The following INPP4B variants were observed in gnomAD, a reference collection of about 807,000 sequenced individuals.
INPP4B encodes inositol polyphosphate 4-phosphatase type II.
In INPP4B, 55 loss-of-function variants were observed where a neutral mutation model predicts 122.5. The observed-to-expected ratio is 0.45, with a 90% CI of 0.36 to 0.56. The LOEUF is 0.56. Among genes scored for constraint, INPP4B ranks in the 20% least tolerant of loss-of-function variants. The pLI is 0.00. For missense variants in INPP4B, 1,000 were observed against 1,097.7 expected, an observed-to-expected ratio of 0.91 and a Z score of 1.26; for synonymous variants, 403 against 388.7, an observed-to-expected ratio of 1.04 and a Z score of -0.43.
chr4:142,688,402 G>A (rs1161974735), intron 2 of INPP4B, among the ~76,000 whole-genome samples: 1 of 152,040 alleles, frequency 6.6e-6, no homozygotes, highest in African/African-American at 2.4e-5. Context: ...TTATTTGCTT[G>A]TTCTGAAATT....
At chr4:142,395,851 A>G (rs1350341687) in intron 7 of INPP4B, among the ~76,000 whole-genome samples, 3 of 152,172 alleles carry the variant, frequency 2.0e-5, no homozygotes, top group East Asian at 1.9e-4. Context: ...AAAATTGTCA[A>G]ACTCATAGAA....
chr4:142,404,207 G>T (rs959588422), intron 6 of INPP4B, among the ~76,000 whole-genome samples: 3 of 152,140 alleles, frequency 2.0e-5, no homozygotes, highest in Non-Finnish European at 4.4e-5. Flanking sequence ...AGGGCTACAT[G>T]CAGTATCTGG....
chr4:142,353,103 A>T (rs1397540336), intron 7 of INPP4B, among the ~76,000 whole-genome samples: 1 of 152,004 alleles, frequency 6.6e-6, no homozygotes, highest in African/African-American at 2.4e-5. Flanking sequence ...CTAAATGCGT[A>T]CTTTTTAAAA....
At chr4:142,773,778 G>C (rs908089802) in intron 1 of INPP4B, among the ~76,000 whole-genome samples, 4 of 152,204 alleles carry the variant, frequency 2.6e-5, no homozygotes, top group Non-Finnish European at 4.4e-5. Context: ...TATTTCTCCA[G>C]TATTATCAGA....
At chr4:142,448,126 G>T (rs1813307889) in intron 3 of INPP4B, among the ~76,000 whole-genome samples, 1 of 152,000 alleles carries the variant, frequency 6.6e-6, no homozygotes, top group Non-Finnish European at 1.5e-5. Flanking sequence ...GGATGACAGG[G>T]ATGTGAGGCA....
At chr4:142,302,885 T>G (rs1406689707) in intron 9 of INPP4B, among the ~76,000 whole-genome samples, 7 of 152,102 alleles carry the variant, frequency 4.6e-5, no homozygotes, top group Non-Finnish European at 1.0e-4. Context: ...GACAATATTA[T>G]TAAAGAGAAC....
chr4:142,727,180 T>C (rs1277808078), intron 1 of INPP4B, among the ~76,000 whole-genome samples: 3 of 152,194 alleles, frequency 2.0e-5, no homozygotes, highest in Non-Finnish European at 2.9e-5. Context: ...AAAGATTGAA[T>C]AGCAGTATTT....
chr4:142,708,653 G>T (rs1220260021), intron 2 of INPP4B, among the ~76,000 whole-genome samples: 4 of 152,208 alleles, frequency 2.6e-5, no homozygotes, highest in African/African-American at 9.6e-5. Context: ...AAGAGTTGAG[G>T]CTTGGGAGCC....
intron 11 of INPP4B, among the ~76,000 whole-genome samples, chr4:142,243,222 A>G (rs907689393): frequency 9.2e-5 from 14 of 152,200 alleles, no homozygotes; most frequent in African/African-American, 3.4e-4. Context: ...TGTTTTGCCT[A>G]TATTGTTTTT....
intron 12 of INPP4B, among the ~76,000 whole-genome samples, chr4:142,213,475 T>G (rs1244777427): frequency 6.6e-6 from 1 of 152,110 alleles, no homozygotes; most frequent in African/African-American, 2.4e-5. Flanking sequence ...TCTTCATGGG[T>G]CTATTGCACA....
chr4:142,539,163 A>T (rs1371177540), intron 2 of INPP4B, among the ~76,000 whole-genome samples: 1 of 150,796 alleles, frequency 6.6e-6, no homozygotes, highest in African/African-American at 2.4e-5. Context: ...TAAAATATAT[A>T]TATATATATA....
chr4:142,764,688 G>A (rs1227064279), intron 1 of INPP4B, among the ~76,000 whole-genome samples: 1 of 152,006 alleles, frequency 6.6e-6, no homozygotes, highest in Non-Finnish European at 1.5e-5. Context: ...GCAACACCCA[G>A]CATTAGTTTC....
intron 22 of INPP4B, among the ~76,000 whole-genome samples, chr4:142,108,638 CT>C (rs1462664500): frequency 6.6e-6 from 1 of 152,184 alleles, no homozygotes. Flanking sequence ...TGCACGCAGT[CT>C]TGCCCACACT....
At chr4:142,129,546 A>C (rs1800247100) in intron 18 of INPP4B, among the ~76,000 whole-genome samples, 1 of 152,176 alleles carries the variant, frequency 6.6e-6, no homozygotes, top group African/African-American at 2.4e-5. Flanking sequence ...GACCCTAGAC[A>C]TCTGCCCATA....
chr4:142,122,376 A>G (rs1796909081), intron 20 of INPP4B, 131 bp from the exon 21 acceptor site: 3 of 697,652 alleles, frequency 4.3e-6, no homozygotes, highest in East Asian at 5.6e-5. Context: ...AACCTACTCT[A>G]GACACTTTTC....
rs1010796405 is a variant in INPP4B, at chr4:142,090,959, C to G, written c.2375-4703G>C. On this transcript the variant is annotated intron_variant, in intron 23 of 25. Coordinates refer to ENST00000262992, the MANE Select transcript of INPP4B (RefSeq NM_001101669.3). Reference sequence around the variant, plus strand: ...AAATTATAGAAAGATTCATACAAAACAACAGCAATAATATAGTCAAATGTG... The same window carrying G: ...AAATTATAGAAAGATTCATACAAAAGAACAGCAATAATATAGTCAAATGTG... Among the ~76,000 whole-genome samples, 5 of 151,926 alleles carry G rather than the reference C, an allele frequency of 3.3e-5. No individual in the cohort carries two copies. In the South Asian group the frequency reaches 8.3e-4, roughly 25 times the overall value.
At chr4:142,694,603 T>A (rs938852994) in intron 2 of INPP4B, among the ~76,000 whole-genome samples, 4 of 152,186 alleles carry the variant, frequency 2.6e-5, no homozygotes, top group African/African-American at 9.6e-5. Context: ...TTTTTAGAAT[T>A]GTTTAACTTG....
intron 2 of INPP4B, among the ~76,000 whole-genome samples, chr4:142,481,893 G>C (rs1002654258): frequency 2.1e-4 from 32 of 152,272 alleles, no homozygotes; most frequent in Middle Eastern, 3.4e-3. Flanking sequence ...TATGTAATTT[G>C]AGTTTACATA....
intron 7 of INPP4B, among the ~76,000 whole-genome samples, chr4:142,376,884 C>A (rs1360327822): frequency 6.6e-6 from 1 of 151,940 alleles, no homozygotes; most frequent in East Asian, 1.9e-4. Context: ...AAATGTGGTG[C>A]TCTCTGTACA....
Sources: allele counts gnomAD v4.1 joint callset (sites outside exome capture counted in the v4.1 genomes callset), GRCh38; gene constraint gnomAD v4.1.1; transcripts MANE v1.5; gene names NCBI Gene and HGNC (gene_info 2026-07-23, HGNC 2026-07-21).